Variants in SUPV3L1 observed in about 807,000 individuals in gnomAD.
SUPV3L1 encodes the protein Suv3 like RNA helicase.
Under a neutral mutation model 70.0 loss-of-function variants are expected in SUPV3L1, and 35 were observed. The ratio of observed to expected loss-of-function variants is 0.50; its 90% confidence interval spans 0.38 to 0.66. The LOEUF (loss-of-function observed/expected upper bound fraction) is 0.66. SUPV3L1 is among the 30% of genes least tolerant of loss of function. The probability of loss-of-function intolerance (pLI) is 0.00; values close to 1 mark genes in which losing one functional copy is unlikely to be tolerated. For synonymous variants in SUPV3L1, 364 were observed against 341.9 expected, an observed-to-expected ratio of 1.06 and a Z score of -0.71; for missense variants, 777 against 961.5, an observed-to-expected ratio of 0.81 and a Z score of 2.54.
chr10:69,196,936 G>T (rs1397351228), intron 7 of SUPV3L1, 56 bp from the exon 8 acceptor site: 8 of 1,478,304 alleles, frequency 5.4e-6, no homozygotes, highest in Admixed American at 1.7e-5. Flanking sequence ...TATGTAAAAT[G>T]TTGTATATTT....
chr10:69,202,778 G>T, intron 12 of SUPV3L1, 89 bp from the exon 13 acceptor site: 1 of 1,342,586 alleles, frequency 7.4e-7, no homozygotes, highest in South Asian at 1.4e-5. Flanking sequence ...GGATTAAAGA[G>T]ATTGTCTTTT....
At chr10:69,208,419 C>G (rs530485209) in intron 14 of SUPV3L1, among the ~76,000 whole-genome samples, 181 bp from the exon 15 acceptor site, 1 of 152,210 alleles carries the variant, frequency 6.6e-6, no homozygotes, top group South Asian at 2.1e-4. Context: ...GACCCACCCT[C>G]AGGATGACAT....
intron 7 of SUPV3L1, among the ~76,000 whole-genome samples, chr10:69,196,323 C>T (rs1464827298): frequency 6.6e-6 from 1 of 152,070 alleles, no homozygotes; most frequent in Non-Finnish European, 1.5e-5. Context: ...GAAACCCTGT[C>T]TCTACTAAAA....
At position 69,180,551 on chromosome 10, in the gene SUPV3L1, C is replaced by T. The variant is rs759758443; in HGVS notation, c.260C>T (p.Pro87Leu). Residue 87 changes from proline (P) to leucine (L), a missense_variant, in exon 1 of 15, where the codon CCT becomes CTT. Coordinates refer to ENST00000359655, the MANE Select transcript of SUPV3L1 (RefSeq NM_003171.5). ...GACGTCGGGGCCGAGCTAACCCGGC[C>T]TCTGGACAAGAGTGAGTGCGGGAAC... The part of the protein sequence containing the change: ...DGDVGAELTR[P>L]LDKNEVKKVL... The T allele has an allele frequency of 1.9e-6, 3 of 1,614,026 alleles. No homozygotes were observed. In the South Asian group the frequency reaches 3.3e-5, roughly 18 times the overall value.
chr10:69,208,068 C>T (rs866636572), intron 14 of SUPV3L1, 127 bp downstream of exon 14: 1 of 1,197,122 alleles, frequency 8.4e-7, no homozygotes, highest in South Asian at 1.6e-5. Context: ...GTCTATTGTC[C>T]ATAAAGGCAA....
chr10:69,196,253 A>G (rs1344606965), intron 7 of SUPV3L1, among the ~76,000 whole-genome samples: 1 of 152,120 alleles, frequency 6.6e-6, no homozygotes, highest in Non-Finnish European at 1.5e-5. Flanking sequence ...GCACTTTGGG[A>G]GGCCGAGGCT....
At position 69,204,135 on chromosome 10, in the gene SUPV3L1, G is replaced by A. The variant is rs2132305111; in HGVS notation, c.1776+1092G>A. On this transcript the variant is annotated intron_variant, in intron 13 of 14. Coordinates refer to ENST00000359655, the MANE Select transcript of SUPV3L1 (RefSeq NM_003171.5). The stretch of plus-strand genomic sequence containing the variant: ...CTTGATTGGATATTAGGAAGACATT[G>A]CAATGATAATTATGATTATAATGAA... Among the ~76,000 whole-genome samples, 3 of 152,310 alleles carry A rather than the reference G, an allele frequency of 2.0e-5. No individual in the cohort carries two copies. In the Middle Eastern group the frequency reaches 0.01, roughly 518 times the overall value.
chr10:69,207,779 T>G lies in SUPV3L1; in HGVS notation c.1777-14T>G. ...TGACACTTCTCTGAAACCCTTTTCC[T>G]CTTTCTCTCTCAGTTTGCCAGGCAG... On this transcript the variant is annotated splice_polypyrimidine_tract_variant and intron_variant, in intron 13 of 14. Coordinates refer to ENST00000359655, the MANE Select transcript of SUPV3L1 (RefSeq NM_003171.5). The G allele has an allele frequency of 6.2e-7, 1 of 1,608,118 alleles. No homozygotes were observed. The highest frequency in any genetic ancestry group is 8.5e-7 in the Non-Finnish European group (1 of 1,177,474).
At chr10:69,200,584 C>T in intron 11 of SUPV3L1, 85 bp downstream of exon 11, 1 of 1,179,346 alleles carries the variant, frequency 8.5e-7, no homozygotes, top group South Asian at 1.4e-5. Flanking sequence ...TCACCTCAGA[C>T]ACATTTCTGG....
chr10:69,193,494 G>A lies in SUPV3L1; in HGVS notation c.854-1694G>A, dbSNP rs191556600. On this transcript the variant is annotated intron_variant, in intron 6 of 14. Coordinates refer to ENST00000359655, the MANE Select transcript of SUPV3L1 (RefSeq NM_003171.5). Reference sequence around the variant, plus strand: ...TTTGAGACAGGGTCTCACTCCTGTCGTTCAGGTGGGAGTGCAGTGGCACGA... The same window carrying A: ...TTTGAGACAGGGTCTCACTCCTGTCATTCAGGTGGGAGTGCAGTGGCACGA... Among the ~76,000 whole-genome samples the A allele has an allele frequency of 1.5e-3, 215 of 142,896 alleles. 2 individuals carry two copies. The highest frequency in any genetic ancestry group is 4.6e-3 in the African/African-American group (174 of 38,014). 93.7% of individuals were successfully genotyped at this position (142,896 alleles called of 152,430 possible). A position where few individuals can be genotyped will look rare whatever the true frequency, so the allele number is the denominator to read the frequency against.
chr10:69,200,532 G>A lies in SUPV3L1; in HGVS notation c.1518+33G>A, dbSNP rs1403541199. 8 of 1,535,626 alleles carry A rather than the reference G, an allele frequency of 5.2e-6. No individual in the cohort carries two copies. The African/African-American group carries it at 1.1e-4, about 21-fold the overall frequency. On this transcript the variant is annotated intron_variant, in intron 11 of 14. Transcript: ENST00000359655. ...GTAACATGTTAACTACTGCTTCTCT[G>A]TGGAGGAGAGTCATTCTTTCCCTCA...
At chr10:69,201,134 C>G (rs897205846) in intron 11 of SUPV3L1, among the ~76,000 whole-genome samples, 2 of 152,126 alleles carry the variant, frequency 1.3e-5, no homozygotes, top group Admixed American at 6.6e-5. Context: ...GAAGGCTGTG[C>G]TGGAATCATT....
chr10:69,198,169 T>A (rs1842590574), intron 8 of SUPV3L1, among the ~76,000 whole-genome samples: 1 of 152,232 alleles, frequency 6.6e-6, no homozygotes. Flanking sequence ...CTGTTTCATC[T>A]TATTAATTTA....
At chr10:69,194,901 T>A (rs1842498859) in intron 6 of SUPV3L1, among the ~76,000 whole-genome samples, 1 of 149,776 alleles carries the variant, frequency 6.7e-6, no homozygotes, top group African/African-American at 2.6e-5. Flanking sequence ...ATTTCATCTC[T>A]GCATTTAACT....
chr10:69,180,546 C>A lies in SUPV3L1; in HGVS notation c.255C>A (p.Thr85=), dbSNP rs148817091. ...ACGGCGACGTCGGGGCCGAGCTAAC[C>A]CGGCCTCTGGACAAGAGTGAGTGCG... The part of the protein sequence containing the change: ...SADGDVGAEL[T]RPLDKNEVKK... Residue 85 remains threonine, a synonymous_variant, in exon 1 of 15, where the codon ACC becomes ACA. Transcript: ENST00000359655. 1.1e-3 allele frequency: 1,839 copies of A among 1,614,082 alleles called. 37 individuals carry two copies. In the East Asian group the frequency reaches 0.036, roughly 31 times the overall value.
chr10:69,182,351 G>A (rs183052900), intron 1 of SUPV3L1, among the ~76,000 whole-genome samples: 3 of 152,108 alleles, frequency 2.0e-5, no homozygotes, highest in East Asian at 1.9e-4. Context: ...TGACATTGTC[G>A]CGAAATAGAT....
chr10:69,200,864 C>T (rs555259763), intron 11 of SUPV3L1, among the ~76,000 whole-genome samples: 125 of 152,098 alleles, frequency 8.2e-4, no homozygotes, highest in Non-Finnish European at 1.3e-3. Flanking sequence ...TGAATATAGA[C>T]GAAACCTTGT....
At chr10:69,195,706 C>G (rs1348030853) in intron 7 of SUPV3L1, among the ~76,000 whole-genome samples, 1 of 152,098 alleles carries the variant, frequency 6.6e-6, no homozygotes, top group South Asian at 2.1e-4. Context: ...CTTTTTTTCC[C>G]TATTACTAAT....
chr10:69,202,588 C>T (rs1241327238), intron 12 of SUPV3L1, 69 bp downstream of exon 12: 11 of 1,418,312 alleles, frequency 7.8e-6, no homozygotes, highest in Non-Finnish European at 1.1e-5. Flanking sequence ...TGGTTAACCT[C>T]ATGAGCATGA....
Sources: allele counts gnomAD v4.1 joint callset (sites outside exome capture counted in the v4.1 genomes callset), GRCh38; gene constraint gnomAD v4.1.1; transcripts MANE v1.5; gene names NCBI Gene and HGNC (gene_info 2026-07-23, HGNC 2026-07-21).